The following PRKG1 variants were observed in gnomAD, a reference collection of about 807,000 sequenced individuals.
PRKG1 encodes protein kinase cGMP-dependent 1, also known as cGMP-dependent protein kinase 1.
PRKG1 carries 35 observed loss-of-function variants against 88.1 expected under a neutral mutation model. The observed-to-expected ratio is 0.40, with a 90% CI of 0.30 to 0.53. The LOEUF is 0.53. Ranked by LOEUF, PRKG1 falls within the 20% of genes least tolerant of loss-of-function variation. PRKG1 has a pLI of 0.59. For missense variants in PRKG1, 540 were observed against 839.8 expected (o/e 0.64, Z 4.41); for synonymous variants, 303 against 292.5 (o/e 1.04, Z -0.37).
chr10:52,237,311 A>C (rs1256509960), intron 9 of PRKG1, among the ~76,000 whole-genome samples: 3,542 of 133,298 alleles, frequency 0.027, 67 homozygotes, highest in African/African-American at 0.066. Flanking sequence ...GTTGGAAGTT[A>C]TGGCCAGGGC....
At chr10:52,225,656 T>C (rs1454567065) in intron 9 of PRKG1, among the ~76,000 whole-genome samples, 1 of 152,168 alleles carries the variant, frequency 6.6e-6, no homozygotes, top group Non-Finnish European at 1.5e-5. Flanking sequence ...CTTGAGTTGA[T>C]TTTTGTTTAA....
rs201660366 is a variant in PRKG1, at chr10:51,364,402, G to A, written c.479-103321G>A. On this transcript the variant is annotated intron_variant, in intron 2 of 17. Transcript: ENST00000373980. ...AGATATGACATCACAAAAGGCTATT[G>A]ACAATAACCTTCATGAAATGAGATC... Among the ~76,000 whole-genome samples, 5 of 152,056 alleles carry A rather than the reference G, an allele frequency of 3.3e-5. No homozygotes were observed. The East Asian group carries it at 9.7e-4, about 30-fold the overall frequency.
At position 52,062,605 on chromosome 10, in the gene PRKG1, C is replaced by A; in HGVS notation, c.909C>A (p.Asp303Glu). 6.2e-7 allele frequency: 1 copy of A among 1,609,062 alleles called. No homozygotes were observed. The highest frequency in any genetic ancestry group is 8.5e-7 in the Non-Finnish European group (1 of 1,177,654). Residue 303 changes from aspartate to glutamate, a missense_variant, in exon 7 of 18, where the codon GAC becomes GAA. Physicochemically the swap from Asp to Glu is conservative, Grantham distance 45. This residue lies in a region of PRKG1 where 400 missense variants were observed against 562.7 expected (regional missense o/e 0.71). Coordinates refer to ENST00000373980, the MANE Select transcript of PRKG1 (RefSeq NM_006258.4). ...TTCTTAGAACTTTAGGAAAAGGAGA[C>A]TGGTTTGGAGAGAAAGCCTTGCAGG... ...PVFLRTLGKG[D>E]WFGEKALQGE...
intron 3 of PRKG1, among the ~76,000 whole-genome samples, chr10:51,736,142 T>C (rs1034591663): frequency 7.9e-5 from 12 of 151,862 alleles, no homozygotes; most frequent in African/African-American, 2.9e-4. Flanking sequence ...TCCACCTGCC[T>C]TGGCTTCCTG....
intron 3 of PRKG1, among the ~76,000 whole-genome samples, chr10:51,575,525 G>T (rs1400895177): frequency 6.6e-6 from 1 of 151,844 alleles, no homozygotes; most frequent in Non-Finnish European, 1.5e-5. Context: ...TAACTTCATC[G>T]GTGGGAAGAC....
chr10:51,101,477 CA>C (rs1476153471), intron 1 of PRKG1, among the ~76,000 whole-genome samples: 1 of 152,108 alleles, frequency 6.6e-6, no homozygotes, highest in Non-Finnish European at 1.5e-5. Context: ...ATACAGGTGC[CA>C]AAATCAGACT....
intron 3 of PRKG1, among the ~76,000 whole-genome samples, chr10:51,679,322 C>A (rs1040053063): frequency 1.3e-5 from 2 of 151,802 alleles, no homozygotes; most frequent in Admixed American, 1.3e-4. Context: ...CTTTTTCTTT[C>A]TTTTATTGGC....
chr10:51,008,300 A>G (rs1842960355), intron 1 of PRKG1, among the ~76,000 whole-genome samples: 1 of 152,164 alleles, frequency 6.6e-6, no homozygotes, highest in Non-Finnish European at 1.5e-5. Context: ...CTAGGTATAT[A>G]CTGCAAGAAG....
chr10:51,480,876 A>G (rs1359034370), intron 3 of PRKG1, among the ~76,000 whole-genome samples: 1 of 152,130 alleles, frequency 6.6e-6, no homozygotes, highest in Admixed American at 6.6e-5. Context: ...TAAGAAATAT[A>G]AACATAAAAG....
intron 2 of PRKG1, among the ~76,000 whole-genome samples, chr10:51,180,403 C>T (rs186581690): frequency 6.6e-6 from 1 of 152,308 alleles, no homozygotes; most frequent in East Asian, 1.9e-4. Context: ...TGCTTCCCTC[C>T]CTTTTAACAT....
intron 3 of PRKG1, among the ~76,000 whole-genome samples, chr10:51,611,554 A>C (rs939028353): frequency 6.7e-6 from 1 of 150,074 alleles, no homozygotes; most frequent in Non-Finnish European, 1.5e-5. Flanking sequence ...AGTAATTTGC[A>C]TATATTTTCT....
chr10:51,752,006 CT>C (rs1837738177), intron 3 of PRKG1, among the ~76,000 whole-genome samples: 1 of 152,118 alleles, frequency 6.6e-6, no homozygotes, highest in South Asian at 2.1e-4. Context: ...CTAGTACAAA[CT>C]TTTTTTACTG....
At chr10:51,651,598 T>A (rs1050325791) in intron 3 of PRKG1, among the ~76,000 whole-genome samples, 5 of 151,336 alleles carry the variant, frequency 3.3e-5, no homozygotes, top group Admixed American at 1.3e-4. Context: ...TTTTTTTTTT[T>A]AATTTAGTCA....
intron 5 of PRKG1, among the ~76,000 whole-genome samples, chr10:51,911,733 G>A (rs1301571789): frequency 6.6e-6 from 1 of 152,156 alleles, no homozygotes; most frequent in Non-Finnish European, 1.5e-5. Context: ...ATAAAGTGAA[G>A]CAAATTTGGA....
At chr10:51,558,226 A>G (rs1420695730) in intron 3 of PRKG1, among the ~76,000 whole-genome samples, 1 of 152,090 alleles carries the variant, frequency 6.6e-6, no homozygotes, top group African/African-American at 2.4e-5. Context: ...AGTTGAGAGA[A>G]TAATTGAAAG....
chr10:52,160,790 A>G (rs561001143), intron 8 of PRKG1, among the ~76,000 whole-genome samples: 2 of 152,238 alleles, frequency 1.3e-5, no homozygotes, highest in South Asian at 4.1e-4. Flanking sequence ...GAGGATTAAA[A>G]TGAAATGTAA....
intron 3 of PRKG1, chr10:51,696,307 A>T (rs959147080): frequency 1.3e-5 from 2 of 152,176 alleles, no homozygotes; most frequent in Non-Finnish European, 2.9e-5. Context: ...CACCATCTGT[A>T]TAAGAAAGCC....
chr10:51,968,371 G>T (rs542623043), intron 5 of PRKG1, among the ~76,000 whole-genome samples: 1 of 152,108 alleles, frequency 6.6e-6, no homozygotes, highest in African/African-American at 2.4e-5. Flanking sequence ...GAAAGAGCAG[G>T]ACTGTGGGGA....
intron 1 of PRKG1, among the ~76,000 whole-genome samples, chr10:51,126,346 A>G (rs1434824977): frequency 1.6e-5 from 2 of 128,352 alleles, no homozygotes; most frequent in Admixed American, 8.2e-5. Flanking sequence ...ATTATTTTAT[A>G]CTTTATATTT....
Sources: gnomAD v4.1 joint callset for allele counts (sites outside exome capture counted in the v4.1 genomes callset) on GRCh38, gnomAD v4.1.1 for gene constraint, gnomAD v4.1.1 regional missense constraint, MANE v1.5 for transcripts, NCBI Gene and HGNC (gene_info 2026-07-23, HGNC 2026-07-21) for gene names.